Variants in NCOA1 observed in about 807,000 individuals in gnomAD.
NCOA1 encodes Hin-2 protein.
A neutral mutation model predicts 150.9 loss-of-function variants in NCOA1; 35 were observed. The observed-to-expected ratio is 0.23, with a 90% CI of 0.18 to 0.31. The LOEUF is 0.31. Among genes scored for constraint, NCOA1 ranks in the 10% least tolerant of loss-of-function variants. The pLI is 1.00. For missense variants in NCOA1, 1,491 were observed against 1,749.3 expected, an observed-to-expected ratio of 0.85 and a Z score of 2.63; for synonymous variants, 590 against 630.0, an observed-to-expected ratio of 0.94 and a Z score of 0.95.
intron 1 of NCOA1, among the ~76,000 whole-genome samples, chr2:24,554,778 G>C (rs1378948689): frequency 6.6e-6 from 1 of 152,120 alleles, no homozygotes; most frequent in Non-Finnish European, 1.5e-5. Context: ...CTTTAAGAAT[G>C]GCAACCATGC....
intron 11 of NCOA1, 46 bp from the exon 12 acceptor site, chr2:24,705,040 T>C: frequency 6.3e-7 from 1 of 1,592,828 alleles, no homozygotes; most frequent in Non-Finnish European, 8.6e-7. Context: ...AAAGCCAGCG[T>C]ATAAGTATCA....
Position 24,758,157 on chromosome 2 carries a change from G to T in NCOA1, c.4065+1G>T, listed in dbSNP as rs181951068. 5.0e-6 allele frequency: 8 copies of T among 1,606,832 alleles called. No individual in the cohort carries two copies. In the East Asian group the frequency reaches 1.8e-4, roughly 36 times the overall value. ...AATGAACACTGTGTGCCCTGAGCAG[G>T]TAAGTGGCACACTCGCCACACACAT... On this transcript the variant is annotated splice_donor_variant, in intron 21 of 22. Coordinates refer to ENST00000348332, the MANE Select transcript of NCOA1 (RefSeq NM_003743.5). LOFTEE classifies it high-confidence loss of function.
chr2:24,499,958 C>A, intron 1 of NCOA1, among the ~76,000 whole-genome samples: 1 of 152,130 alleles, frequency 6.6e-6, no homozygotes, highest in East Asian at 1.9e-4. Context: ...AATTGGGGTA[C>A]CTTTAAAGAT....
intron 5 of NCOA1, among the ~76,000 whole-genome samples, chr2:24,659,907 T>G (rs1293055272): frequency 5.3e-5 from 8 of 152,110 alleles, no homozygotes; most frequent in Non-Finnish European, 1.5e-5. Context: ...TCACCTCTAG[T>G]TGATAATCAC....
chr2:24,730,420 G>A (rs2148643568), intron 17 of NCOA1, among the ~76,000 whole-genome samples: 1 of 152,188 alleles, frequency 6.6e-6, no homozygotes, highest in Non-Finnish European at 1.5e-5. Flanking sequence ...ACTATTTAAG[G>A]GGAACATCAT....
chr2:24,674,899 T>C (rs1671836788), intron 7 of NCOA1, among the ~76,000 whole-genome samples: 1 of 152,204 alleles, frequency 6.6e-6, no homozygotes, highest in South Asian at 2.1e-4. Context: ...ATCTTGCACA[T>C]GCATTCTAGC....
chr2:24,715,957 A>G (rs1170656627), intron 14 of NCOA1, among the ~76,000 whole-genome samples: 2 of 152,134 alleles, frequency 1.3e-5, no homozygotes, highest in African/African-American at 4.8e-5. Context: ...CCTGGTTAAC[A>G]TGGTGAAACC....
At chr2:24,516,407 T>A (rs1489723423) in intron 1 of NCOA1, among the ~76,000 whole-genome samples, 1 of 151,860 alleles carries the variant, frequency 6.6e-6, no homozygotes, top group East Asian at 1.9e-4. Flanking sequence ...TTAGCCAGGA[T>A]GGTCTCGATC....
chr2:24,635,090 AAAT>A (rs1232891123), intron 3 of NCOA1, among the ~76,000 whole-genome samples: 1 of 152,138 alleles, frequency 6.6e-6, no homozygotes, highest in Non-Finnish European at 1.5e-5. Context: ...AATAATTACT[AAAT>A]AATTAATATT....
rs986430818 is a variant in NCOA1 at position 24,729,761 on chromosome 2, T to C, written c.3147T>C (p.Ala1049=). 1.2e-6 allele frequency: 2 copies of C among 1,614,060 alleles called. No homozygotes were observed. The highest frequency in any genetic ancestry group is 2.7e-5 in the African/African-American group (2 of 74,932). ...QPRQTLNRPP[A]APNQLRLQLQ... ...GGCAAACTCTAAACAGACCTCCGGCTGCACCTAACCAGCTTCGACTTCAAC... is the reference window on the plus strand; with the variant it reads ...GGCAAACTCTAAACAGACCTCCGGCCGCACCTAACCAGCTTCGACTTCAAC... Residue 1049 remains alanine (A), a synonymous_variant, in exon 17 of 23, where the codon GCT becomes GCC. Coordinates refer to ENST00000348332, the MANE Select transcript of NCOA1 (RefSeq NM_003743.5).
At chr2:24,531,975 A>G (rs1388488163) in intron 1 of NCOA1, among the ~76,000 whole-genome samples, 2 of 152,160 alleles carry the variant, frequency 1.3e-5, no homozygotes, top group Non-Finnish European at 2.9e-5. Flanking sequence ...TATACCCAGT[A>G]ATGGGATTGC....
intron 1 of NCOA1, among the ~76,000 whole-genome samples, chr2:24,533,187 C>T (rs914982659): frequency 3.3e-5 from 5 of 152,038 alleles, no homozygotes; most frequent in African/African-American, 9.7e-5. Context: ...AAGTTGGATT[C>T]CTAGGTATTT....
intron 3 of NCOA1, among the ~76,000 whole-genome samples, chr2:24,593,050 G>A (rs1667725557): frequency 1.3e-5 from 2 of 151,928 alleles, no homozygotes; most frequent in African/African-American, 4.8e-5. Flanking sequence ...AATTAATGAG[G>A]GAAAAAGGAG....
At chr2:24,492,965 C>A (rs372370094) in intron 1 of NCOA1, among the ~76,000 whole-genome samples, 152 of 144,972 alleles carry the variant, frequency 1.0e-3, no homozygotes, top group Admixed American at 1.0e-3. Context: ...AGGCTAGTCT[C>A]AAAAAAAAAG....
intron 1 of NCOA1, among the ~76,000 whole-genome samples, chr2:24,532,154 T>C (rs1664928100): frequency 6.6e-6 from 1 of 152,228 alleles, no homozygotes; most frequent in South Asian, 2.1e-4. Flanking sequence ...CCATTCTAAC[T>C]GGTGTGAGAT....
chr2:24,677,616 G>A (rs1387845493), intron 7 of NCOA1, among the ~76,000 whole-genome samples: 1 of 152,074 alleles, frequency 6.6e-6, no homozygotes, highest in Non-Finnish European at 1.5e-5. Context: ...TAGAAATGGG[G>A]TTTCGCCATG....
chr2:24,680,565 G>C (rs1672118014), intron 7 of NCOA1, among the ~76,000 whole-genome samples: 1 of 152,186 alleles, frequency 6.6e-6, no homozygotes, highest in South Asian at 2.1e-4. Flanking sequence ...ACCAGGGGCT[G>C]CGTGAAGGGT....
rs57598398 is a variant in NCOA1, at chr2:24,629,817, C to CATATATATAT, written c.-174-14128_-174-14119dup. On this transcript the variant is annotated intron_variant, in intron 3 of 22. Coordinates refer to ENST00000348332, the MANE Select transcript of NCOA1 (RefSeq NM_003743.5). ...GACACTGTTTTAAGTAACATACATA[C>CATATATATAT]ATATATATATATATATATATATATA... Among the ~76,000 whole-genome samples, 146 of 79,332 alleles carry CATATATATAT rather than the reference C, an allele frequency of 1.8e-3. 1 individual carries two copies. Among genetic ancestry groups the CATATATATAT allele is most frequent in the African/African-American group, 5.8e-3 (130 of 22,264 alleles). The allele number at this position is 79,332 out of a possible 152,430, so 52.0% of individuals were successfully genotyped here. A position where few individuals can be genotyped will look rare whatever the true frequency, so the allele number is the denominator to read the frequency against.
intron 17 of NCOA1, among the ~76,000 whole-genome samples, chr2:24,734,043 G>C (rs967382600): frequency 6.6e-6 from 1 of 151,784 alleles, no homozygotes; most frequent in Admixed American, 6.6e-5. Context: ...AAATTAGCTG[G>C]GTGTGGTGGC....
Sources: allele counts gnomAD v4.1 joint callset (sites outside exome capture counted in the v4.1 genomes callset), GRCh38; gene constraint gnomAD v4.1.1; transcripts MANE v1.5; gene names NCBI Gene and HGNC (gene_info 2026-07-23, HGNC 2026-07-21).